Variants in CNTNAP5 observed in about 807,000 individuals in gnomAD.
CNTNAP5 encodes contactin-associated protein-like 5.
Under a neutral mutation model 150.2 loss-of-function variants are expected in CNTNAP5, and 72 were observed. That is an observed-to-expected ratio of 0.48 (90% CI 0.40 to 0.58). CNTNAP5 has a LOEUF of 0.58. CNTNAP5 is among the 20% of genes least tolerant of loss of function. The pLI is 0.00. For synonymous variants in CNTNAP5, 672 were observed against 619.8 expected (o/e 1.08, Z -1.25); for missense variants, 1,636 against 1,626.2 (o/e 1.01, Z -0.10).
chr2:124,893,714 A>G lies in CNTNAP5; in HGVS notation c.3437-9168A>G, dbSNP rs564113312. ...CACAGAAAGGCAAGTAGCACTGGAT[A>G]CTGTATATAATGGTCACCTGTGGGA... On this transcript the variant is annotated intron_variant, in intron 21 of 23. Transcript: ENST00000682447. 1.2e-3 allele frequency among the ~76,000 whole-genome samples: 187 copies of G among 152,192 alleles called. 1 individual carries two copies. Among genetic ancestry groups the G allele is most frequent in the African/African-American group, 4.3e-3 (177 of 41,554 alleles).
chr2:124,259,625 T>C (rs1225912915), intron 3 of CNTNAP5, among the ~76,000 whole-genome samples: 3 of 152,218 alleles, frequency 2.0e-5, no homozygotes, highest in African/African-American at 7.2e-5. Flanking sequence ...TGAGCATTTT[T>C]TCATGTGTCT....
At chr2:124,525,453 G>A (rs1174588386) in intron 9 of CNTNAP5, among the ~76,000 whole-genome samples, 1 of 152,146 alleles carries the variant, frequency 6.6e-6, no homozygotes, top group Non-Finnish European at 1.5e-5. Flanking sequence ...CTGGTCTACA[G>A]TTTCCTTATT....
At chr2:124,241,807 A>C (rs1388473802) in intron 2 of CNTNAP5, among the ~76,000 whole-genome samples, 2 of 152,174 alleles carry the variant, frequency 1.3e-5, no homozygotes, top group Non-Finnish European at 2.9e-5. Context: ...GAAAAGAAGG[A>C]ACGATATATT....
chr2:124,742,714 CAAT>C (rs1168085652), intron 13 of CNTNAP5, among the ~76,000 whole-genome samples: 3 of 151,700 alleles, frequency 2.0e-5, no homozygotes, highest in Admixed American at 2.0e-4. Flanking sequence ...GGTCATATGA[CAAT>C]AATATTTGCA....
intron 1 of CNTNAP5, among the ~76,000 whole-genome samples, chr2:124,094,846 A>G (rs942382829): frequency 2.0e-5 from 3 of 152,108 alleles, no homozygotes; most frequent in African/African-American, 4.8e-5. Flanking sequence ...CTGATAAGAG[A>G]TGACTGCTTT....
chr2:124,682,561 A>G (rs1573544948), intron 13 of CNTNAP5, among the ~76,000 whole-genome samples: 1 of 152,138 alleles, frequency 6.6e-6, no homozygotes. Flanking sequence ...CTGGACTGGG[A>G]AGAAGGGGAA....
intron 3 of CNTNAP5, among the ~76,000 whole-genome samples, chr2:124,359,020 G>T (rs1420101063): frequency 1.3e-5 from 2 of 150,228 alleles, no homozygotes; most frequent in African/African-American, 4.9e-5. Flanking sequence ...ACTTCTTCCT[G>T]GTTTAGTCTT....
chr2:124,753,428 G>C (rs751789551), intron 14 of CNTNAP5, among the ~76,000 whole-genome samples: 17 of 152,174 alleles, frequency 1.1e-4, no homozygotes, highest in Non-Finnish European at 2.2e-4. Context: ...TCAGGCCATA[G>C]CCATGATAGA....
chr2:124,396,487 C>T (rs961838203), intron 3 of CNTNAP5, among the ~76,000 whole-genome samples: 20 of 152,032 alleles, frequency 1.3e-4, no homozygotes, highest in Admixed American at 2.6e-4. Flanking sequence ...TTTCTGGATA[C>T]GAAATGCTTT....
At chr2:124,808,753 A>G (rs899320925) in intron 19 of CNTNAP5, among the ~76,000 whole-genome samples, 8 of 152,236 alleles carry the variant, frequency 5.3e-5, no homozygotes, top group South Asian at 4.1e-4. Context: ...CTCTGCCCCA[A>G]TGTTTGCTGA....
At chr2:124,299,336 CT>C (rs1335828511) in intron 3 of CNTNAP5, among the ~76,000 whole-genome samples, 4 of 152,248 alleles carry the variant, frequency 2.6e-5, no homozygotes, top group Non-Finnish European at 2.9e-5. Flanking sequence ...CCTCTCCCTC[CT>C]CCCACCCTCC....
intron 21 of CNTNAP5, among the ~76,000 whole-genome samples, chr2:124,878,572 T>A (rs1370505993): frequency 6.6e-6 from 1 of 152,138 alleles, no homozygotes; most frequent in African/African-American, 2.4e-5. Context: ...TAAATTTTAC[T>A]CTTCTCTCCC....
At chr2:124,716,421 G>A (rs905691845) in intron 13 of CNTNAP5, among the ~76,000 whole-genome samples, 1 of 151,940 alleles carries the variant, frequency 6.6e-6, no homozygotes, top group Non-Finnish European at 1.5e-5. Flanking sequence ...TAGAACACCT[G>A]CTTCTGTGAA....
chr2:124,641,711 T>C (rs780545973), intron 12 of CNTNAP5, among the ~76,000 whole-genome samples: 1 of 152,222 alleles, frequency 6.6e-6, no homozygotes, highest in Non-Finnish European at 1.5e-5. Context: ...TGGCACACTG[T>C]TCAAAGGATG....
In CNTNAP5 at chr2:124,641,598, T is replaced by C. The variant is rs182087952; in HGVS notation, c.1877-6160T>C. ...AGGATTATTTAAACTGTCTTTACCC[T>C]TGGCATAGAAAATTCACTTTGTCAA... On this transcript the variant is annotated intron_variant, in intron 12 of 23. Coordinates refer to ENST00000682447, the MANE Select transcript of CNTNAP5 (RefSeq NM_001367498.1). Among the ~76,000 whole-genome samples the C allele has an allele frequency of 3.5e-4, 53 of 152,344 alleles. 1 individual carries two copies. The highest frequency in any genetic ancestry group is 2.9e-3 in the Admixed American group (44 of 15,304).
intron 1 of CNTNAP5, among the ~76,000 whole-genome samples, chr2:124,070,298 T>A (rs1294752332): frequency 3.7e-5 from 5 of 136,770 alleles, no homozygotes; most frequent in African/African-American, 1.4e-4. Context: ...AGAAAACAGA[T>A]AACAAAATGG....
chr2:124,703,143 C>T (rs1007966058), intron 13 of CNTNAP5, among the ~76,000 whole-genome samples: 5 of 138,418 alleles, frequency 3.6e-5, no homozygotes, highest in Non-Finnish European at 8.2e-5. Flanking sequence ...CCCTCCCTCC[C>T]TTCTTTCCTC....
chr2:124,472,250 T>C (rs1430736589), intron 6 of CNTNAP5, among the ~76,000 whole-genome samples: 2 of 152,068 alleles, frequency 1.3e-5, no homozygotes, highest in Non-Finnish European at 2.9e-5. Flanking sequence ...CATGGATTTT[T>C]GAAATAATCG....
intron 1 of CNTNAP5, among the ~76,000 whole-genome samples, chr2:124,098,259 T>A (rs1682986819): frequency 2.6e-5 from 4 of 152,150 alleles, no homozygotes; most frequent in Admixed American, 2.6e-4. Context: ...TATTTATTAT[T>A]TATTACCTGG....
Sources: gnomAD v4.1 joint callset for allele counts (sites outside exome capture counted in the v4.1 genomes callset) on GRCh38, gnomAD v4.1.1 for gene constraint, MANE v1.5 for transcripts, NCBI Gene and HGNC (gene_info 2026-07-23, HGNC 2026-07-21) for gene names.